Variants in P3H2 observed in about 807,000 individuals in gnomAD.
The protein encoded by P3H2 is leprecan-like 1.
In P3H2, 80 loss-of-function variants were observed where a neutral mutation model predicts 87.0. That is an observed-to-expected ratio of 0.92 (90% CI 0.77 to 1.11). The LOEUF (loss-of-function observed/expected upper bound fraction) is 1.11. P3H2 is among the 50% of genes least tolerant of loss of function. The pLI is 0.00. For missense variants in P3H2, 1,001 were observed against 923.9 expected (o/e 1.08, Z -1.08); for synonymous variants, 367 against 359.3 (o/e 1.02, Z -0.24).
intron 13 of P3H2, chr3:189,969,414 A>G (rs1210938453): frequency 5.0e-6 from 4 of 803,256 alleles, no homozygotes; most frequent in Middle Eastern, 2.3e-4. Context: ...TCTCTATAAG[A>G]ACGTCTCTCG....
chr3:190,100,798 A>G lies in P3H2; in HGVS notation c.480+19454T>C, dbSNP rs185035727. ...AATGGTGTTTTTGAAGTATGTAAAT[A>G]CAGGCATACCGCTTCTGATTGTGCT... On this transcript the variant is annotated intron_variant, in intron 1 of 14. Coordinates refer to ENST00000319332, the MANE Select transcript of P3H2 (RefSeq NM_018192.4). Among the ~76,000 whole-genome samples, 118 of 152,254 alleles carry G rather than the reference A, an allele frequency of 7.8e-4. 2 individuals carry two copies. Among genetic ancestry groups the G allele is most frequent in the Non-Finnish European group, 1.5e-5 (1 of 68,008 alleles).
At position 189,987,564 on chromosome 3, in the gene P3H2, T is replaced by C; in HGVS notation, c.1061A>G (p.Asp354Gly). The C allele has an allele frequency of 6.2e-7, 1 of 1,613,054 alleles. No homozygotes were observed. The highest frequency in any genetic ancestry group is 8.5e-7 in the Non-Finnish European group (1 of 1,179,388). ...AATGGATGCCGGGTCAATGCTATCA[T>C]CCAGCAGACTCTCATAGTAATCCAC... is the stretch of plus-strand genomic sequence containing the variant. ...DNVDYYESLL[D>G]DSIDPASIEA... is the part of the protein sequence containing the mutation. The change falls in exon 5 of 15, where the codon GAT becomes GGT. Residue 354 changes from aspartate to glycine, a missense_variant. Transcript: ENST00000319332.
chr3:190,011,466 C>G (rs774289373), intron 1 of P3H2, among the ~76,000 whole-genome samples: 1 of 152,110 alleles, frequency 6.6e-6, no homozygotes, highest in African/African-American at 2.4e-5. Context: ...GATCAAGACC[C>G]TCTTCCTTTA....
chr3:189,960,475 G>A (rs1688584988), intron 14 of P3H2, among the ~76,000 whole-genome samples: 1 of 152,196 alleles, frequency 6.6e-6, no homozygotes, highest in African/African-American at 2.4e-5. Flanking sequence ...GTAAATGGAT[G>A]AAGCCTTTCT....
At chr3:189,972,828 CA>C (rs755110330) in intron 11 of P3H2, 45 bp downstream of exon 11, 3 of 1,604,760 alleles carry the variant, frequency 1.9e-6, no homozygotes, top group Non-Finnish European at 2.6e-6. Flanking sequence ...TTTCATTTCC[CA>C]ATGTATTGTG....
At chr3:190,113,453 T>A (rs536861295) in intron 1 of P3H2, among the ~76,000 whole-genome samples, 1,712 of 149,590 alleles carry the variant, frequency 0.011, 14 homozygotes, top group Non-Finnish European at 0.019. Flanking sequence ...CCAAAGCAGT[T>A]AGTTGACTTG....
chr3:190,065,031 C>A (rs1407617597), intron 1 of P3H2, among the ~76,000 whole-genome samples: 4 of 152,138 alleles, frequency 2.6e-5, no homozygotes, highest in Non-Finnish European at 5.9e-5. Flanking sequence ...AATTGGAGGA[C>A]TCCCTGCCTA....
chr3:189,982,783 G>A (rs1723576223), intron 8 of P3H2, among the ~76,000 whole-genome samples: 1 of 152,206 alleles, frequency 6.6e-6, no homozygotes, highest in Non-Finnish European at 1.5e-5. Flanking sequence ...TGATGACCAT[G>A]CAAGTTTCCT....
chr3:189,986,340 T>C (rs934090183), intron 6 of P3H2, among the ~76,000 whole-genome samples: 4 of 152,170 alleles, frequency 2.6e-5, no homozygotes, highest in Non-Finnish European at 5.9e-5. Context: ...ATCCCAGCAC[T>C]TGGGGAGGCT....
rs146849566 is a variant in P3H2 at position 190,043,454 on chromosome 3, T to C, written c.481-48012A>G. ...CTTCTTCTTATTCTCTTTAAACTTG[T>C]ACTTTACACAGGTGGAAGAAAGAAC... On this transcript the variant is annotated intron_variant, in intron 1 of 14. Coordinates refer to ENST00000319332, the MANE Select transcript of P3H2 (RefSeq NM_018192.4). Among the ~76,000 whole-genome samples, 125 of 152,274 alleles carry C rather than the reference T, an allele frequency of 8.2e-4. 1 individual carries two copies. Among genetic ancestry groups the C allele is most frequent in the African/African-American group, 2.8e-3 (117 of 41,552 alleles).
intron 1 of P3H2, among the ~76,000 whole-genome samples, chr3:190,012,312 G>T (rs1256654161): frequency 6.6e-6 from 1 of 151,550 alleles, no homozygotes; most frequent in Non-Finnish European, 1.5e-5. Flanking sequence ...GTGAATTCCT[G>T]CTGTCCTTAA....
chr3:189,965,605 A>C (rs1351719075), intron 13 of P3H2, among the ~76,000 whole-genome samples: 1 of 152,206 alleles, frequency 6.6e-6, no homozygotes, highest in Non-Finnish European at 1.5e-5. Context: ...TATCAATGTG[A>C]TTCTGTTTTT....
intron 1 of P3H2, among the ~76,000 whole-genome samples, chr3:190,097,796 C>T (rs36054167): frequency 0.11 from 16,076 of 152,158 alleles, 956 homozygotes; most frequent in Middle Eastern, 0.18. Flanking sequence ...TTCATCCCCA[C>T]GCCCCACCCC....
At chr3:190,056,831 T>C (rs1249011676) in intron 1 of P3H2, among the ~76,000 whole-genome samples, 2 of 152,200 alleles carry the variant, frequency 1.3e-5, no homozygotes, top group African/African-American at 4.8e-5. Context: ...CCCCACTTCC[T>C]TTGCCTAGGG....
chr3:190,096,323 CTGTTCTCA>C (rs2108988877), intron 1 of P3H2, among the ~76,000 whole-genome samples: 2 of 152,278 alleles, frequency 1.3e-5, no homozygotes, highest in South Asian at 4.1e-4. Context: ...TCCTCCCTTG[CTGTTCTCA>C]TGATAGTGAG....
At chr3:190,028,359 G>A (rs183723982) in intron 1 of P3H2, among the ~76,000 whole-genome samples, 14 of 152,328 alleles carry the variant, frequency 9.2e-5, no homozygotes, top group Admixed American at 4.6e-4. Context: ...CTCTTGCAGA[G>A]CACTCAGGTT....
chr3:189,999,450 T>A (rs1724145057), intron 1 of P3H2, among the ~76,000 whole-genome samples: 1 of 152,214 alleles, frequency 6.6e-6, no homozygotes, highest in African/African-American at 2.4e-5. Flanking sequence ...TTCCATTGTA[T>A]AAATACACAC....
intron 1 of P3H2, among the ~76,000 whole-genome samples, chr3:190,021,592 A>T (rs1414715494): frequency 4.4e-5 from 6 of 135,012 alleles, no homozygotes; most frequent in African/African-American, 1.5e-4. Context: ...TTTAAAAAAT[A>T]AAATCCATAC....
At position 189,974,554 on chromosome 3, in the gene P3H2, T is replaced by G; in HGVS notation, c.1452+4A>C. 1 of 1,613,468 alleles carries G rather than the reference T, an allele frequency of 6.2e-7. No individual in the cohort carries two copies. Among genetic ancestry groups the G allele is most frequent in the Non-Finnish European group, 8.5e-7 (1 of 1,179,994 alleles). On this transcript the variant is annotated splice_donor_region_variant and intron_variant, in intron 9 of 14. Coordinates refer to ENST00000319332, the MANE Select transcript of P3H2 (RefSeq NM_018192.4). ...TGAGCTCCCCTCCTTCTCCGGATCC[T>G]CACACTGGCCACGCTGTGGAGCTCC...
Sources: allele counts gnomAD v4.1 joint callset (sites outside exome capture counted in the v4.1 genomes callset), GRCh38; gene constraint gnomAD v4.1.1; transcripts MANE v1.5; gene names NCBI Gene and HGNC (gene_info 2026-07-23, HGNC 2026-07-21).